HABP4: variants seen among roughly 807,000 people sequenced by gnomAD.
HABP4 encodes the protein hyaluronan binding protein 4.
HABP4 carries 32 observed loss-of-function variants against 44.1 expected under a neutral mutation model. The observed-to-expected ratio is 0.73, with a 90% CI of 0.55 to 0.97. HABP4 has a LOEUF of 0.97. Among genes scored for constraint, HABP4 ranks in the 50% least tolerant of loss-of-function variants. The pLI, the probability that HABP4 is intolerant of heterozygous loss-of-function variation, is 0.00. For synonymous variants in HABP4, 216 were observed against 218.0 expected, an observed-to-expected ratio of 0.99 and a Z score of 0.08; for missense variants, 503 against 561.9, an observed-to-expected ratio of 0.90 and a Z score of 1.06.
intron 4 of HABP4, among the ~76,000 whole-genome samples, chr9:96,470,165 C>T (rs574018249): frequency 2.0e-5 from 3 of 152,210 alleles, no homozygotes; most frequent in South Asian, 4.1e-4. Context: ...AAATATTAGC[C>T]GGGCATGGTG....
At chr9:96,467,484 TTCTTTC>T (rs532506988) in intron 4 of HABP4, among the ~76,000 whole-genome samples, 76 of 151,684 alleles carry the variant, frequency 5.0e-4, no homozygotes, top group Non-Finnish European at 8.5e-4. Flanking sequence ...CCTTCTTTCT[TTCTTTC>T]TCTTTCTCTT....
chr9:96,489,111 C>G (rs1425392314), intron 7 of HABP4, among the ~76,000 whole-genome samples: 1 of 152,186 alleles, frequency 6.6e-6, no homozygotes, highest in Non-Finnish European at 1.5e-5. Context: ...GGTTCCCTCG[C>G]TCTAGGGAGC....
In HABP4 at chr9:96,471,220, G is replaced by A. The variant is rs572594108; in HGVS notation, c.827+126G>A. 38 of 625,544 alleles carry A rather than the reference G, an allele frequency of 6.1e-5. No individual in the cohort carries two copies. The East Asian group carries it at 1.1e-3, about 17-fold the overall frequency. The allele number at this position is 625,544 out of a possible 1,614,324, so 38.7% of individuals were successfully genotyped here. On this transcript the variant is annotated intron_variant, in intron 5 of 7. Transcript: ENST00000375249. ...TGCAATGGCACAATCTTGGCTCACT[G>A]CAACCTCCACTTCCTGGGTTCAAGC...
At position 96,450,507 on chromosome 9, in the gene HABP4, C is replaced by G. The variant is rs1327351499; in HGVS notation, c.228C>G (p.Ala76=). Residue 76 remains alanine, a synonymous_variant, in exon 1 of 8, where the codon GCC becomes GCG. Transcript: ENST00000375249. This position sits in a 1 kb window ranked among gnomAD's most constrained non-coding sequence, Gnocchi z 4.8. The part of the protein sequence containing the change: ...GAGPRGGRSP[A]GASGHRAGAG... Reference sequence around the variant, plus strand: ...GTCCCCGCGGCGGCAGGAGCCCAGCCGGGGCCTCGGGCCACAGAGCCGGCG... The same window carrying G: ...GTCCCCGCGGCGGCAGGAGCCCAGCGGGGGCCTCGGGCCACAGAGCCGGCG... 4.3e-5 allele frequency: 52 copies of G among 1,215,218 alleles called. No homozygotes were observed. Among genetic ancestry groups the G allele is most frequent in the Non-Finnish European group, 5.3e-5 (52 of 977,432 alleles). The allele number at this position is 1,215,218 out of a possible 1,614,324, so 75.3% of individuals were successfully genotyped here.
At chr9:96,450,146 C>G, upstream of HABP4, 1 of 914,220 alleles carries the variant, frequency 1.1e-6, no homozygotes, top group Non-Finnish European at 1.4e-6. This position sits in a 1 kb window ranked among gnomAD's most constrained non-coding sequence, Gnocchi z 4.8. Context: ...CGGGGGCGGG[C>G]GCCGGTAGGG....
intron 5 of HABP4, 176 bp from the exon 6 acceptor site, chr9:96,484,286 A>G (rs774158943): frequency 5.6e-6 from 3 of 531,812 alleles, no homozygotes; most frequent in Non-Finnish European, 6.6e-6. Context: ...GTGATGACAT[A>G]AAATGTTGAA....
intron 1 of HABP4, among the ~76,000 whole-genome samples, chr9:96,452,925 T>TG (rs1832311452): frequency 1.4e-5 from 2 of 144,294 alleles, no homozygotes; most frequent in Non-Finnish European, 3.0e-5. Flanking sequence ...TTTTTTTTTT[T>TG]TTTTTTTTTT....
chr9:96,486,116 CG>C (rs1832971862), intron 6 of HABP4, among the ~76,000 whole-genome samples: 2 of 152,010 alleles, frequency 1.3e-5, no homozygotes, highest in African/African-American at 4.8e-5. Context: ...CGCTTGAACC[CG>C]GGAAGCAGAG....
Position 96,467,594 on chromosome 9 carries a change from C to T in HABP4, c.743+1816C>T, listed in dbSNP as rs539394574. ...AGGCTGGAGTGCAGTGGTGCGATCTCAGCTCACTGCAACTTCCACCTCCCA... is the reference window on the plus strand; with the variant it reads ...AGGCTGGAGTGCAGTGGTGCGATCTTAGCTCACTGCAACTTCCACCTCCCA... On this transcript the variant is annotated intron_variant, in intron 4 of 7. Transcript: ENST00000375249. Among the ~76,000 whole-genome samples the T allele has an allele frequency of 2.1e-5, 3 of 144,986 alleles. No homozygotes were observed. The South Asian group carries it at 6.5e-4, about 31-fold the overall frequency.
rs1468235928 is a variant in HABP4, at chr9:96,488,878, T to C, written c.1185+604T>C. ...CTCGGAGCAAAGGAGTTTCTTTTCATTGAAGCCTGATCTCCGTGTGCGGCT... is the reference window on the plus strand; with the variant it reads ...CTCGGAGCAAAGGAGTTTCTTTTCACTGAAGCCTGATCTCCGTGTGCGGCT... On this transcript the variant is annotated intron_variant, in intron 7 of 7. Coordinates refer to ENST00000375249, the MANE Select transcript of HABP4 (RefSeq NM_014282.4). This position sits in a 1 kb window ranked among gnomAD's most constrained non-coding sequence, Gnocchi z 4.6. Among the ~76,000 whole-genome samples, 2 of 152,220 alleles carry C rather than the reference T, an allele frequency of 1.3e-5. No homozygotes were observed. The highest frequency in any genetic ancestry group is 2.9e-5 in the Non-Finnish European group (2 of 68,034).
chr9:96,483,672 A>T (rs182375359), intron 5 of HABP4: 1 of 152,220 alleles, frequency 6.6e-6, no homozygotes, highest in African/African-American at 2.4e-5. Context: ...CCTTTGTAGT[A>T]TAAAAGTATC....
intron 4 of HABP4, among the ~76,000 whole-genome samples, chr9:96,466,322 ATG>A (rs200377395): frequency 0.014 from 2,078 of 152,292 alleles, 43 homozygotes; most frequent in African/African-American, 0.047. Flanking sequence ...GTGAGCCGAG[ATG>A]GCACCACTGC....
intron 5 of HABP4, chr9:96,482,999 G>A (rs887652577): frequency 1.3e-5 from 2 of 152,100 alleles, no homozygotes; most frequent in Non-Finnish European, 2.9e-5. Context: ...ATTTCTCTTG[G>A]GTATAAACCC....
At chr9:96,465,812 C>G (rs762285587) in intron 4 of HABP4, 34 bp downstream of exon 4, 9 of 1,128,116 alleles carry the variant, frequency 8.0e-6, no homozygotes, top group African/African-American at 1.5e-5. Context: ...TGAGAACCTG[C>G]AATTAAGTGG....
Position 96,450,669 on chromosome 9 carries a change from C to A in HABP4, c.349+41C>A. On this transcript the variant is annotated intron_variant, in intron 1 of 7. Transcript: ENST00000375249. The surrounding 1 kb of genome is among the most constrained non-coding windows in gnomAD (Gnocchi z 4.8). ...GGGGTTAGCGGACCACGGCTCGGCC[C>A]GCTGTGAGACTGGGGTCCCGGGGGC... 8.1e-7 allele frequency: 1 copy of A among 1,234,578 alleles called. No homozygotes were observed. The allele number at this position is 1,234,578 out of a possible 1,614,324, so 76.5% of individuals were successfully genotyped here. A position where few individuals can be genotyped will look rare whatever the true frequency, so the allele number is the denominator to read the frequency against.
At chr9:96,486,384 G>T (rs572521847) in intron 6 of HABP4, among the ~76,000 whole-genome samples, 1 of 152,306 alleles carries the variant, frequency 6.6e-6, no homozygotes, top group Non-Finnish European at 1.5e-5. Flanking sequence ...AGCTGGGTTG[G>T]TTCTTAACCT....
At chr9:96,474,168 A>G (rs1048885958) in intron 5 of HABP4, among the ~76,000 whole-genome samples, 1 of 152,218 alleles carries the variant, frequency 6.6e-6, no homozygotes, top group Non-Finnish European at 1.5e-5. Flanking sequence ...GCTGTATTCA[A>G]AACAATTGCA....
At chr9:96,460,986 G>A (rs533257017) in intron 2 of HABP4, among the ~76,000 whole-genome samples, 4 of 152,182 alleles carry the variant, frequency 2.6e-5, no homozygotes, top group Middle Eastern at 3.4e-3. Context: ...CAAAAGGAAG[G>A]AAAATAACAT....
At chr9:96,487,821 T>C (rs1348414623) in intron 6 of HABP4, among the ~76,000 whole-genome samples, 1 of 152,236 alleles carries the variant, frequency 6.6e-6, no homozygotes, top group Non-Finnish European at 1.5e-5. Context: ...GAAATCATAA[T>C]AAGTTCAAAG....
Sources: allele counts gnomAD v4.1 joint callset (sites outside exome capture counted in the v4.1 genomes callset), GRCh38; gene constraint gnomAD v4.1.1; non-coding constraint Gnocchi (gnomAD v3.1); transcripts MANE v1.5; gene names NCBI Gene and HGNC (gene_info 2026-07-23, HGNC 2026-07-21).